UBE2D3: variants seen among roughly 807,000 people sequenced by gnomAD.
UBE2D3 encodes the protein ubiquitin-conjugating enzyme E2 D3.
Under a neutral mutation model 22.8 loss-of-function variants are expected in UBE2D3, and 2 were observed. That is an observed-to-expected ratio of 0.09 (90% CI 0.04 to 0.28). The LOEUF is 0.28. Among genes scored for constraint, UBE2D3 ranks in the 10% least tolerant of loss-of-function variants. The probability of loss-of-function intolerance (pLI) is 1.00; values close to 1 mark genes in which losing one functional copy is unlikely to be tolerated. For synonymous variants in UBE2D3, 56 were observed against 60.4 expected (o/e 0.93, Z 0.34); for missense variants, 27 against 182.5 (o/e 0.15, Z 4.91).
At chr4:102,865,217 G>C (rs1457210799) in intron 1 of UBE2D3, among the ~76,000 whole-genome samples, 1 of 152,150 alleles carries the variant, frequency 6.6e-6, no homozygotes, top group African/African-American at 2.4e-5. Context: ...TACACGGCCA[G>C]GCACGGTGGC....
chr4:102,827,557 C>T (rs114749591), upstream of UBE2D3: 9 of 986,804 alleles, frequency 9.1e-6, no homozygotes, highest in Non-Finnish European at 1.1e-5. Flanking sequence ...GAACTACTGC[C>T]AGCTGCCACG....
At position 102,817,948 on chromosome 4, in the gene UBE2D3, T is replaced by TA. The variant is rs373512788; in HGVS notation, c.25-8094dup. On this transcript the variant is annotated intron_variant, in intron 2 of 7. Coordinates refer to ENST00000453744, the MANE Select transcript of UBE2D3 (RefSeq NM_181891.3). The stretch of plus-strand genomic sequence containing the variant: ...TCACAGGCTTCAGGGACAAAAACAC[T>TA]AAAAAATTACACAATTGAAATTTTC... Among the ~76,000 whole-genome samples the TA allele has an allele frequency of 2.3e-3, 353 of 152,310 alleles. 1 individual carries two copies. The highest frequency in any genetic ancestry group is 8.3e-3 in the African/African-American group (345 of 41,570).
chr4:102,859,223 A>T (rs761752401), intron 1 of UBE2D3, among the ~76,000 whole-genome samples: 2 of 151,866 alleles, frequency 1.3e-5, no homozygotes, highest in Non-Finnish European at 2.9e-5. Flanking sequence ...CAGTATTTTG[A>T]GTATATCATC....
At chr4:102,817,810 AAG>A (rs1728991187) in intron 2 of UBE2D3, among the ~76,000 whole-genome samples, 1 of 152,184 alleles carries the variant, frequency 6.6e-6, no homozygotes, top group Admixed American at 6.5e-5. Context: ...ATCCCACAGC[AAG>A]ACTATTTACT....
intron 2 of UBE2D3, among the ~76,000 whole-genome samples, chr4:102,822,867 C>A (rs1729848097): frequency 6.7e-6 from 1 of 149,840 alleles, no homozygotes. Context: ...ACCCAGAAGG[C>A]AGAGCTTGCA....
chr4:102,854,218 G>C (rs997619290), intron 1 of UBE2D3, among the ~76,000 whole-genome samples: 1 of 151,758 alleles, frequency 6.6e-6, no homozygotes, highest in East Asian at 1.9e-4. Flanking sequence ...TATTAATTTC[G>C]TTTAGATTTT....
intron 1 of UBE2D3, among the ~76,000 whole-genome samples, chr4:102,833,015 G>GAAAAA (rs1553965464): frequency 1.7e-5 from 2 of 114,734 alleles, no homozygotes; most frequent in Non-Finnish European, 1.8e-5. Flanking sequence ...AAAAAAAAAT[G>GAAAAA]TTTATAGAAA....
At chr4:102,868,124 G>C (rs1485329913) in intron 1 of UBE2D3, among the ~76,000 whole-genome samples, 3 of 135,240 alleles carry the variant, frequency 2.2e-5, no homozygotes, top group Non-Finnish European at 4.6e-5. Context: ...CCAGGCTAGA[G>C]TGCAGTGGCA....
At chr4:102,833,091 C>G (rs1731202008) in intron 1 of UBE2D3, among the ~76,000 whole-genome samples, 2 of 149,002 alleles carry the variant, frequency 1.3e-5, no homozygotes, top group African/African-American at 4.9e-5. Flanking sequence ...GTTTTTAGCT[C>G]TTAAAGAACT....
intron 1 of UBE2D3, among the ~76,000 whole-genome samples, chr4:102,863,861 A>T (rs557920205): frequency 7.9e-5 from 12 of 152,314 alleles, no homozygotes; most frequent in Admixed American, 2.6e-4. Context: ...AGCTCCAGAA[A>T]TCTGCATGGG....
chr4:102,841,601 TA>T (rs1731759795), intron 1 of UBE2D3, among the ~76,000 whole-genome samples: 1 of 152,206 alleles, frequency 6.6e-6, no homozygotes, highest in African/African-American at 2.4e-5. Context: ...TTATACATTT[TA>T]AAAGATTTTC....
intron 5 of UBE2D3, chr4:102,802,334 A>G (rs926801269): frequency 7.1e-5 from 24 of 338,722 alleles, no homozygotes; most frequent in Admixed American, 1.9e-4. Flanking sequence ...AAGCTTCCAC[A>G]TGGTCTGAAT....
intron 4 of UBE2D3, among the ~76,000 whole-genome samples, chr4:102,804,210 C>T (rs1041728738): frequency 1.3e-5 from 2 of 152,024 alleles, no homozygotes; most frequent in East Asian, 3.9e-4. Context: ...TGCCCAAGCT[C>T]GAGTAAAATG....
chr4:102,820,950 G>C (rs1426190872), intron 2 of UBE2D3, among the ~76,000 whole-genome samples: 1 of 152,128 alleles, frequency 6.6e-6, no homozygotes, highest in Non-Finnish European at 1.5e-5. Flanking sequence ...TTTTACAATA[G>C]ATTATGTTGA....
chr4:102,799,063 G>C, intron 7 of UBE2D3: 2 of 1,414,958 alleles, frequency 1.4e-6, no homozygotes. Context: ...TCAAATATTT[G>C]AGAAATTTAG....
intron 1 of UBE2D3, among the ~76,000 whole-genome samples, chr4:102,851,665 GT>G (rs1209780858): frequency 8.5e-6 from 1 of 118,320 alleles, no homozygotes; most frequent in African/African-American, 3.8e-5. Flanking sequence ...GTTTTGTTTT[GT>G]TTTTTGTTTT....
At chr4:102,862,722 T>C (rs1429140991) in intron 1 of UBE2D3, among the ~76,000 whole-genome samples, 2 of 152,244 alleles carry the variant, frequency 1.3e-5, no homozygotes, top group African/African-American at 4.8e-5. Flanking sequence ...TTTCTTCAGA[T>C]ATTTTAAGAA....
intron 1 of UBE2D3, among the ~76,000 whole-genome samples, chr4:102,859,263 G>GA (rs1732767578): frequency 1.3e-5 from 2 of 151,944 alleles, no homozygotes; most frequent in African/African-American, 2.4e-5. Flanking sequence ...AAGGTTTGCT[G>GA]AAAAACCTGC....
chr4:102,802,907 A>C (rs1462949994), intron 4 of UBE2D3, among the ~76,000 whole-genome samples: 1 of 152,232 alleles, frequency 6.6e-6, no homozygotes, highest in Admixed American at 6.5e-5. Context: ...TCTAGATCTC[A>C]ATTCTCAAAA....
Sources: gnomAD v4.1 joint callset for allele counts (sites outside exome capture counted in the v4.1 genomes callset) on GRCh38, gnomAD v4.1.1 for gene constraint, MANE v1.5 for transcripts, NCBI Gene and HGNC (gene_info 2026-07-23, HGNC 2026-07-21) for gene names.